The following SVEP1 variants were observed in gnomAD, a reference collection of about 807,000 sequenced individuals.
The protein encoded by SVEP1 is sushi, von Willebrand factor type A, EGF and pentraxin domain containing 1, also known as sushi, von Willebrand factor type A, EGF and pentraxin domain-containing protein 1.
SVEP1 carries 164 observed loss-of-function variants against 367.3 expected under a neutral mutation model. The ratio of observed to expected loss-of-function variants is 0.45; its 90% CI spans 0.39 to 0.51. The LOEUF (loss-of-function observed/expected upper bound fraction) is 0.51, where lower values mean the gene tolerates loss of function less well. SVEP1 is among the 20% of genes least tolerant of loss of function. The pLI, the probability that SVEP1 is intolerant of heterozygous loss-of-function variation, is 0.00. For missense variants in SVEP1, 4,117 were observed against 4,425.3 expected, an observed-to-expected ratio of 0.93 and a Z score of 1.98; for synonymous variants, 1,666 against 1,611.6, an observed-to-expected ratio of 1.03 and a Z score of -0.81.
intron 40 of SVEP1, among the ~76,000 whole-genome samples, chr9:110,390,894 C>T (rs972577269): frequency 1.3e-5 from 2 of 152,094 alleles, no homozygotes; most frequent in African/African-American, 2.4e-5. Flanking sequence ...AGACATCACC[C>T]AGTTTACCCA....
At chr9:110,578,964 C>G (rs2118898780) in intron 1 of SVEP1, 49 bp downstream of exon 1, 7 of 1,532,826 alleles carry the variant, frequency 4.6e-6, no homozygotes, top group South Asian at 1.2e-5. Context: ...AGCGGTGGGT[C>G]GAAGGGCCCG....
At chr9:110,372,609 G>T (rs999337756) in intron 46 of SVEP1, among the ~76,000 whole-genome samples, 5 of 152,212 alleles carry the variant, frequency 3.3e-5, no homozygotes, top group African/African-American at 1.2e-4. Context: ...TTAGAAAGTA[G>T]ATTATTGTGA....
intron 36 of SVEP1, among the ~76,000 whole-genome samples, chr9:110,413,118 A>G (rs1348223034): frequency 1.2e-4 from 17 of 143,728 alleles, no homozygotes; most frequent in Admixed American, 2.8e-4. Flanking sequence ...ACTATTCACA[A>G]TAGCAAAGAC....
chr9:110,377,516 G>T, intron 44 of SVEP1, 150 bp from the exon 45 acceptor site: 1 of 649,724 alleles, frequency 1.5e-6, no homozygotes, highest in Admixed American at 2.7e-5. Flanking sequence ...GGGAATTTCA[G>T]TATGTGGAGA....
At chr9:110,468,848 G>A (rs537380600) in intron 17 of SVEP1, 92 bp downstream of exon 17, 46 of 1,280,132 alleles carry the variant, frequency 3.6e-5, no homozygotes, top group Non-Finnish European at 4.5e-5. Flanking sequence ...GACAAGAGCC[G>A]AGTGTTGGGT....
chr9:110,371,042 G>A (rs3949853), intron 46 of SVEP1, among the ~76,000 whole-genome samples: 32,273 of 152,148 alleles, frequency 0.21, 3,975 homozygotes, highest in Middle Eastern at 0.35. Flanking sequence ...ATAAGCACTG[G>A]TCCTTGTCCA....
chr9:110,374,839 G>A (rs1223720788), intron 46 of SVEP1, among the ~76,000 whole-genome samples: 1 of 152,106 alleles, frequency 6.6e-6, no homozygotes, highest in Non-Finnish European at 1.5e-5. Context: ...ATATACCCAA[G>A]ATAATAGAAA....
intron 13 of SVEP1, among the ~76,000 whole-genome samples, chr9:110,478,716 T>G (rs1366990753): frequency 6.6e-6 from 1 of 152,194 alleles, no homozygotes; most frequent in African/African-American, 2.4e-5. Context: ...ATATAACGTT[T>G]TTACCAAGTG....
chr9:110,392,881 C>T lies in SVEP1; in HGVS notation c.9823-3294G>A, dbSNP rs115738887. 6.0e-3 allele frequency among the ~76,000 whole-genome samples: 915 copies of T among 152,208 alleles called. 11 individuals carry two copies. The highest frequency in any genetic ancestry group is 0.021 in the African/African-American group (854 of 41,542). ...TTGTCCAGTGGCTTCTGAATACTTT[C>T]GATGTGTAGTCTTTGTTAGGTTCCC... is the stretch of plus-strand genomic sequence containing the variant. On this transcript the variant is annotated intron_variant, in intron 40 of 47. Coordinates refer to ENST00000374469, the MANE Select transcript of SVEP1 (RefSeq NM_153366.4).
Position 110,400,978 on chromosome 9 carries a change from T to C in SVEP1, c.9698A>G (p.Asp3233Gly). 1 of 1,613,882 alleles carries C rather than the reference T, an allele frequency of 6.2e-7. No individual in the cohort carries two copies. The highest frequency in any genetic ancestry group is 8.5e-7 in the Non-Finnish European group (1 of 1,179,844). The change falls in exon 40 of 48, where the codon GAT (aspartate) becomes GGT (glycine). Residue 3233 changes from aspartate (D) to glycine (G), a missense_variant. Coordinates refer to ENST00000374469, the MANE Select transcript of SVEP1 (RefSeq NM_153366.4). The part of the protein sequence containing the change: ...LDGTWEPPFS[D>G]ESCSPVSCGK... ...ACAAGAAACTGGACTGCAAGATTCATCGGAGAATGGTGGCTCCCAGGTTCC... is the reference window on the plus strand; with the variant it reads ...ACAAGAAACTGGACTGCAAGATTCACCGGAGAATGGTGGCTCCCAGGTTCC...
At chr9:110,375,627 T>A (rs1321614131) in intron 45 of SVEP1, among the ~76,000 whole-genome samples, 164 bp from the exon 46 acceptor site, 1 of 152,202 alleles carries the variant, frequency 6.6e-6, no homozygotes, top group Non-Finnish European at 1.5e-5. Context: ...TGCTTATTAA[T>A]GAGTATCATT....
At chr9:110,521,865 T>C (rs1829879751) in intron 3 of SVEP1, among the ~76,000 whole-genome samples, 1 of 152,172 alleles carries the variant, frequency 6.6e-6, no homozygotes, top group African/African-American at 2.4e-5. Flanking sequence ...GAGAAAAAAA[T>C]TGCTAAACAA....
intron 1 of SVEP1, among the ~76,000 whole-genome samples, chr9:110,557,015 A>G (rs183462058): frequency 6.6e-6 from 1 of 152,318 alleles, no homozygotes; most frequent in Admixed American, 6.5e-5. Flanking sequence ...AGCTACTTGT[A>G]ATACTTGACC....
chr9:110,497,016 T>G, intron 7 of SVEP1, 83 bp from the exon 8 acceptor site: 1 of 860,048 alleles, frequency 1.2e-6, no homozygotes, highest in Non-Finnish European at 1.8e-6. Flanking sequence ...AATCTAGTTA[T>G]ATTAATACAC....
At chr9:110,434,686 A>AAAAAAAAAAAAAAAAG (rs1828406661) in intron 29 of SVEP1, among the ~76,000 whole-genome samples, 180 bp from the exon 30 acceptor site, 1 of 149,386 alleles carries the variant, frequency 6.7e-6, no homozygotes, top group Non-Finnish European at 1.5e-5. Context: ...AAAAAAAAAA[A>AAAAAAAAAAAAAAAAG]GCATTTAAGT....
chr9:110,529,473 T>C (rs1829988973), intron 3 of SVEP1, among the ~76,000 whole-genome samples: 2 of 152,176 alleles, frequency 1.3e-5, no homozygotes, highest in African/African-American at 2.4e-5. Flanking sequence ...TTTCCTTATA[T>C]TGATTCTTCC....
intron 33 of SVEP1, 81 bp downstream of exon 33, chr9:110,430,193 C>T: frequency 7.0e-7 from 1 of 1,419,900 alleles, no homozygotes; most frequent in Non-Finnish European, 9.5e-7. Flanking sequence ...AACATTGATA[C>T]AACATAACAC....
intron 46 of SVEP1, among the ~76,000 whole-genome samples, chr9:110,374,719 C>T (rs1279731411): frequency 1.3e-5 from 2 of 152,162 alleles, no homozygotes; most frequent in Non-Finnish European, 2.9e-5. Context: ...CACTTATACA[C>T]TGTTGGTAAG....
chr9:110,486,237 G>T (rs1588076537), intron 9 of SVEP1, among the ~76,000 whole-genome samples: 4 of 152,224 alleles, frequency 2.6e-5, no homozygotes, highest in African/African-American at 9.6e-5. Flanking sequence ...CAAAAGAAAT[G>T]ACAATTGAAT....
Sources: allele counts gnomAD v4.1 joint callset (sites outside exome capture counted in the v4.1 genomes callset), GRCh38; gene constraint gnomAD v4.1.1; transcripts MANE v1.5; gene names NCBI Gene and HGNC (gene_info 2026-07-23, HGNC 2026-07-21).